Variants in NEDD4L observed in about 807,000 individuals in gnomAD.
NEDD4L encodes NEDD4 like E3 ubiquitin protein ligase.
In NEDD4L, 54 loss-of-function variants were observed where a neutral mutation model predicts 148.9. The ratio of observed to expected loss-of-function variants is 0.36; its 90% CI spans 0.29 to 0.45. The LOEUF is 0.45. Ranked by LOEUF, NEDD4L falls within the 20% of genes least tolerant of loss-of-function variation. NEDD4L has a pLI of 1.00. For synonymous variants in NEDD4L, 433 were observed against 440.7 expected (o/e 0.98, Z 0.22); for missense variants, 856 against 1,233.8 (o/e 0.69, Z 4.59).
At chr18:58,096,534 G>T (rs73440833) in intron 1 of NEDD4L, among the ~76,000 whole-genome samples, 4,178 of 152,128 alleles carry the variant, frequency 0.027, 201 homozygotes, top group African/African-American at 0.093. Flanking sequence ...CTCCCGAGTA[G>T]CTGGGATTAC....
intron 6 of NEDD4L, among the ~76,000 whole-genome samples, chr18:58,316,575 C>T (rs1037410609): frequency 6.6e-6 from 1 of 152,200 alleles, no homozygotes; most frequent in Non-Finnish European, 1.5e-5. Flanking sequence ...CACCCACCCT[C>T]GCTGGAACAC....
At chr18:58,212,314 C>G (rs1417965021) in intron 2 of NEDD4L, among the ~76,000 whole-genome samples, 2 of 151,892 alleles carry the variant, frequency 1.3e-5, no homozygotes, top group African/African-American at 2.4e-5. Context: ...TAAAGACATA[C>G]CTGAGACGGG....
intron 18 of NEDD4L, among the ~76,000 whole-genome samples, chr18:58,353,549 C>G (rs2145698486): frequency 6.6e-6 from 1 of 152,314 alleles, no homozygotes; most frequent in Middle Eastern, 3.4e-3. Flanking sequence ...AAGGTTTACT[C>G]AATGGAAAGC....
chr18:58,197,970 T>G (rs997589013), intron 2 of NEDD4L: 2 of 152,300 alleles, frequency 1.3e-5, no homozygotes, highest in Non-Finnish European at 2.9e-5. Flanking sequence ...GGTTCTCACC[T>G]GCAAGTGATA....
At chr18:58,273,093 G>A (rs901902351) in intron 5 of NEDD4L, among the ~76,000 whole-genome samples, 1 of 152,210 alleles carries the variant, frequency 6.6e-6, no homozygotes, top group African/African-American at 2.4e-5. Flanking sequence ...CAAAGGTCCT[G>A]CGCTGGGAAG....
intron 1 of NEDD4L, among the ~76,000 whole-genome samples, chr18:58,112,360 CTTTATTTATTTATTTATTTA>C (rs199799632): frequency 0.084 from 12,045 of 143,610 alleles, 658 homozygotes; most frequent in African/African-American, 0.15. Context: ...TCCTATTTGT[CTTTATTTATTTATTTATTTA>C]TTTATTTATT....
At chr18:58,096,076 A>G (rs1021494581) in intron 1 of NEDD4L, among the ~76,000 whole-genome samples, 1 of 152,108 alleles carries the variant, frequency 6.6e-6, no homozygotes, top group African/African-American at 2.4e-5. Context: ...GGGAATGCCA[A>G]ATGTTTACAT....
chr18:58,304,007 C>T (rs1320741176), intron 5 of NEDD4L, among the ~76,000 whole-genome samples: 1 of 152,054 alleles, frequency 6.6e-6, no homozygotes, highest in African/African-American at 2.4e-5. Context: ...TAGTCCTCAA[C>T]TGGGAGCACT....
rs576555070 is a variant in NEDD4L, at chr18:58,365,922, A to G, written c.1834-77A>G. On this transcript the variant is annotated intron_variant, in intron 20 of 30. Transcript: ENST00000400345. ...TTTGAGGACTGCCAACTTTTCTACCATTTGCTGTTGTTTTTATTAGAAAAC... is the reference window on the plus strand; with the variant it reads ...TTTGAGGACTGCCAACTTTTCTACCGTTTGCTGTTGTTTTTATTAGAAAAC... 86 of 1,024,648 alleles carry G rather than the reference A, an allele frequency of 8.4e-5. No homozygotes were observed. In the African/African-American group the frequency reaches 1.3e-3, roughly 15 times the overall value. The allele number at this position is 1,024,648 out of a possible 1,614,324, so 63.5% of individuals were successfully genotyped here.
At chr18:58,049,414 G>C (rs1168970971) in intron 1 of NEDD4L, among the ~76,000 whole-genome samples, 2 of 152,182 alleles carry the variant, frequency 1.3e-5, no homozygotes, top group Non-Finnish European at 2.9e-5. Flanking sequence ...TGTGCAAAAC[G>C]GTGAGGACAA....
chr18:58,354,462 T>C lies in NEDD4L; in HGVS notation c.1709-2732T>C, dbSNP rs2044327586. ...GTTCTTTAAAAAAAAAAAAAAAGGATAACTGGCTACCCCATACTTTCATAC... is the reference window on the plus strand; with the variant it reads ...GTTCTTTAAAAAAAAAAAAAAAGGACAACTGGCTACCCCATACTTTCATAC... On this transcript the variant is annotated intron_variant, in intron 18 of 30. Coordinates refer to ENST00000400345, the MANE Select transcript of NEDD4L (RefSeq NM_001144967.3). Among the ~76,000 whole-genome samples the C allele has an allele frequency of 5.3e-5, 8 of 151,272 alleles. 1 individual carries two copies. The South Asian group carries it at 1.7e-3, about 32-fold the overall frequency.
At position 58,231,237 on chromosome 18, in the gene NEDD4L, CAAAAAAAAA is replaced by C. The variant is rs67220469; in HGVS notation, c.123-14175_123-14167del. 3.5e-3 allele frequency among the ~76,000 whole-genome samples: 314 copies of C among 90,164 alleles called. 5 individuals are homozygous for C. Among genetic ancestry groups the C allele is most frequent in the African/African-American group, 0.012 (309 of 25,288 alleles). 59.2% of individuals were successfully genotyped at this position (90,164 alleles called of 152,430 possible). The stretch of plus-strand genomic sequence containing the variant: ...TGGGTGGCAGAGCGAGACCCTATCT[CAAAAAAAAA>C]AAAAAAAAAAAAAAGAACAGAAAAG... On this transcript the variant is annotated intron_variant, in intron 2 of 30. Coordinates refer to ENST00000400345, the MANE Select transcript of NEDD4L (RefSeq NM_001144967.3).
intron 5 of NEDD4L, among the ~76,000 whole-genome samples, chr18:58,262,061 C>A (rs1354376596): frequency 6.6e-6 from 1 of 152,166 alleles, no homozygotes. Flanking sequence ...CCTTCTAGTT[C>A]TCTTAGTTCA....
intron 1 of NEDD4L, among the ~76,000 whole-genome samples, chr18:58,104,949 AG>A (rs1456357057): frequency 6.6e-6 from 1 of 151,988 alleles, no homozygotes; most frequent in East Asian, 1.9e-4. Context: ...CAATAGAAAA[AG>A]ATGTGCTGGG....
chr18:58,360,228 G>A (rs551118644), intron 19 of NEDD4L, among the ~76,000 whole-genome samples: 11 of 152,268 alleles, frequency 7.2e-5, no homozygotes, highest in African/African-American at 2.6e-4. Flanking sequence ...CTTCAGTATG[G>A]GGATTGTGTC....
intron 8 of NEDD4L, 26 bp downstream of exon 8, chr18:58,323,360 T>C (rs2059016564): frequency 8.5e-7 from 1 of 1,176,922 alleles, no homozygotes; most frequent in Non-Finnish European, 1.3e-6. Flanking sequence ...CAGGCCTCTC[T>C]CCTTGCCTTG....
chr18:58,280,054 A>AT (rs912928287), intron 5 of NEDD4L, among the ~76,000 whole-genome samples: 6 of 151,966 alleles, frequency 3.9e-5, no homozygotes, highest in Non-Finnish European at 5.9e-5. Flanking sequence ...TGCTGTGTGT[A>AT]TTTTTTTGCG....
intron 1 of NEDD4L, among the ~76,000 whole-genome samples, chr18:58,076,917 C>T (rs1006425200): frequency 1.4e-5 from 2 of 141,986 alleles, no homozygotes; most frequent in African/African-American, 5.3e-5. Context: ...GTGGTATGAT[C>T]TCAGCTCACT....
intron 5 of NEDD4L, among the ~76,000 whole-genome samples, chr18:58,281,350 A>G (rs975302096): frequency 1.3e-5 from 2 of 151,848 alleles, no homozygotes; most frequent in South Asian, 4.2e-4. Context: ...TGTGATGGAA[A>G]TGGAAGACTT....
Sources: gnomAD v4.1 joint callset for allele counts (sites outside exome capture counted in the v4.1 genomes callset) on GRCh38, gnomAD v4.1.1 for gene constraint, MANE v1.5 for transcripts, NCBI Gene and HGNC (gene_info 2026-07-23, HGNC 2026-07-21) for gene names.